The following SHBG variants were observed in gnomAD, a reference collection of about 807,000 sequenced individuals.
The protein encoded by SHBG is sex hormone-binding globulin.
A neutral mutation model predicts 41.9 loss-of-function variants in SHBG; 37 were observed. The ratio of observed to expected loss-of-function variants is 0.88; its 90% CI spans 0.68 to 1.16. SHBG has a LOEUF of 1.16. Among genes scored for constraint, SHBG ranks in the 50% most tolerant of loss-of-function variants. The pLI is 0.00. For missense variants in SHBG, 466 were observed against 499.9 expected (o/e 0.93, Z 0.65); for synonymous variants, 217 against 205.8 (o/e 1.05, Z -0.47).
Position 7,632,883 on chromosome 17 carries a change from G to T in SHBG, c.984G>T (p.Leu328=). 6.2e-7 allele frequency: 1 copy of T among 1,614,134 alleles called. No individual in the cohort carries two copies. Among genetic ancestry groups the T allele is most frequent in the Non-Finnish European group, 8.5e-7 (1 of 1,180,026 alleles). ...GGTCGAAGATGAAGGCCCTTGCCCT[G>T]CCTCCCTTAGGCCTGGCTCCCCTCC... ...SQGSKMKALA[L]PPLGLAPLLN... is the part of the protein sequence containing the mutation. Residue 328 remains leucine, a synonymous_variant, in exon 7 of 8, where the codon CTG becomes CTT. Transcript: ENST00000380450.
At chr17:7,616,722 G>A (rs1283317424) in intron 1 of SHBG, among the ~76,000 whole-genome samples, 1 of 152,028 alleles carries the variant, frequency 6.6e-6, no homozygotes, top group Admixed American at 6.6e-5. Context: ...TGGATCACAA[G>A]GTCAGGAGTT....
chr17:7,626,573 G>C, upstream of SHBG: 2 of 1,614,104 alleles, frequency 1.2e-6, no homozygotes, highest in Non-Finnish European at 1.7e-6. Flanking sequence ...TCCAGTCCAG[G>C]ACGGCCAGGC....
Position 7,632,781 on chromosome 17 carries a change from A to AG in SHBG, c.885dup (p.Leu296AlafsTer43), listed in dbSNP as rs2072460795. The AG allele has an allele frequency of 6.2e-7, 1 of 1,613,898 alleles. No individual in the cohort carries two copies. The highest frequency in any genetic ancestry group is 8.5e-7 in the Non-Finnish European group (1 of 1,179,994). ...TGGTGTTGTCTTCTGGGTCGGGGCC[A>AG]GGGCTGGATCTGCCCCTGGTCTTGG... is the stretch of plus-strand genomic sequence containing the variant. On this transcript the variant is annotated frameshift_variant, in exon 7 of 8. Coordinates refer to ENST00000380450, the MANE Select transcript of SHBG (RefSeq NM_001040.5). LOFTEE classifies it high-confidence loss of function.
At chr17:7,629,082 G>A (rs528877127), upstream of SHBG, among the ~76,000 whole-genome samples, 12 of 151,288 alleles carry the variant, frequency 7.9e-5, no homozygotes, top group East Asian at 2.0e-3. Flanking sequence ...AATAAAATGC[G>A]TCAGGGAGGG....
chr17:7,632,366 C>T (rs769212352), intron 6 of SHBG, among the ~76,000 whole-genome samples: 5 of 151,958 alleles, frequency 3.3e-5, no homozygotes, highest in Non-Finnish European at 7.4e-5. Context: ...TTCACTTGAG[C>T]CCAGGAGTTT....
upstream of SHBG, among the ~76,000 whole-genome samples, chr17:7,624,833 G>A (rs1360197619): frequency 6.8e-6 from 1 of 146,104 alleles, no homozygotes; most frequent in Non-Finnish European, 1.5e-5. Context: ...TGTATTGTTT[G>A]TAGAGACGAG....
At chr17:7,626,117 C>G (rs1323668162), upstream of SHBG, 3 of 197,870 alleles carry the variant, frequency 1.5e-5, no homozygotes, top group Non-Finnish European at 3.1e-5. Flanking sequence ...TTGCTTGAAC[C>G]CGTGAGGCAG....
intron 1 of SHBG, among the ~76,000 whole-genome samples, chr17:7,616,028 G>A (rs1318181835): frequency 1.3e-5 from 2 of 152,008 alleles, no homozygotes; most frequent in East Asian, 3.9e-4. Context: ...TAGGACGGGC[G>A]CGGTGGCTCA....
chr17:7,621,008 A>G (rs1261278597), intron 1 of SHBG, among the ~76,000 whole-genome samples: 1 of 149,156 alleles, frequency 6.7e-6, no homozygotes, highest in East Asian at 2.0e-4. Context: ...AGGTGGGAGA[A>G]TCACTTGAGC....
chr17:7,626,616 T>C, upstream of SHBG: 1 of 1,612,132 alleles, frequency 6.2e-7, no homozygotes. Flanking sequence ...CAAGGCCACC[T>C]GTGGGAGAAG....
At chr17:7,618,163 G>A (rs879405444) in intron 1 of SHBG, among the ~76,000 whole-genome samples, 1 of 148,376 alleles carries the variant, frequency 6.7e-6, no homozygotes, top group Non-Finnish European at 1.5e-5. Context: ...AAGTTGCAGT[G>A]AGCCGAGATC....
At chr17:7,626,528 T>C (rs1057419183), upstream of SHBG, 1 of 1,614,192 alleles carries the variant, frequency 6.2e-7, no homozygotes, top group African/African-American at 1.3e-5. Flanking sequence ...GATCTTGGGC[T>C]CCTAGGGCCT....
upstream of SHBG, chr17:7,626,174 A>G (rs1251540240): frequency 1.8e-5 from 6 of 331,002 alleles, no homozygotes; most frequent in Non-Finnish European, 3.3e-5. Context: ...AGCGTGCGCG[A>G]CAGAGACTCT....
intron 1 of SHBG, among the ~76,000 whole-genome samples, chr17:7,618,297 A>T (rs2072028838): frequency 1.3e-5 from 2 of 151,388 alleles, no homozygotes; most frequent in African/African-American, 4.8e-5. Context: ...GTTGAGATAG[A>T]GTCTTACTCT....
chr17:7,631,283 C>T lies in SHBG; in HGVS notation c.477C>T (p.Pro159=), dbSNP rs751270446. 20 of 1,613,404 alleles carry T rather than the reference C, an allele frequency of 1.2e-5. No homozygotes were observed. The highest frequency in any genetic ancestry group is 1.5e-5 in the Non-Finnish European group (18 of 1,179,790). Residue 159 remains proline (P), a synonymous_variant, in exon 4 of 8, where the codon CCC becomes CCT. Transcript: ENST00000380450. The part of the protein sequence containing the change: ...EVLRLRQVSG[P]LTSKRHPIMR... Reference sequence around the variant, plus strand: ...TGCGCCTGAGACAGGTCTCTGGGCCCCTGACCAGCAAACGCCATCCCATCA... The same window carrying T: ...TGCGCCTGAGACAGGTCTCTGGGCCTCTGACCAGCAAACGCCATCCCATCA...
intron 1 of SHBG, among the ~76,000 whole-genome samples, chr17:7,620,989 G>A (rs2072081771): frequency 6.8e-6 from 1 of 147,808 alleles, no homozygotes; most frequent in South Asian, 2.1e-4. Flanking sequence ...CCAGATACTT[G>A]AGAGGCTGAG....
upstream of SHBG, chr17:7,630,074 C>G (rs934182588): frequency 3.0e-5 from 30 of 1,013,076 alleles, no homozygotes; most frequent in South Asian, 3.7e-4. The surrounding 1 kb of genome is among the most constrained non-coding windows in gnomAD (Gnocchi z 4.6). Context: ...CCCTCCTCCC[C>G]GGGCAACCTT....
chr17:7,628,648 G>A (rs1444416459), upstream of SHBG, among the ~76,000 whole-genome samples: 1 of 151,426 alleles, frequency 6.6e-6, no homozygotes, highest in East Asian at 2.0e-4. Context: ...GTTTCACTAT[G>A]TTGGCCAGGC....
At chr17:7,615,833 CAAAA>C (rs544422942) in intron 1 of SHBG, among the ~76,000 whole-genome samples, 2 of 73,012 alleles carry the variant, frequency 2.7e-5, no homozygotes, top group Admixed American at 3.2e-4. Flanking sequence ...GACTCAGTCT[CAAAA>C]AAAAAAAAAA....
Sources: gnomAD v4.1 joint callset for allele counts (sites outside exome capture counted in the v4.1 genomes callset) on GRCh38, gnomAD v4.1.1 for gene constraint, Gnocchi (gnomAD v3.1) non-coding constraint, MANE v1.5 for transcripts, NCBI Gene and HGNC (gene_info 2026-07-23, HGNC 2026-07-21) for gene names.